Variants in ADGRF5 observed in about 807,000 individuals in gnomAD.
ADGRF5 encodes adhesion G protein-coupled receptor F5.
Under a neutral mutation model 132.3 loss-of-function variants are expected in ADGRF5, and 75 were observed. The observed-to-expected ratio is 0.57, with a 90% confidence interval of 0.47 to 0.69. The LOEUF (loss-of-function observed/expected upper bound fraction) is 0.69, where lower values mean the gene tolerates loss of function less well. Among genes scored for constraint, ADGRF5 ranks in the 30% least tolerant of loss-of-function variants. The pLI is 0.00. For missense variants in ADGRF5, 1,516 were observed against 1,630.6 expected, an observed-to-expected ratio of 0.93 and a Z score of 1.21; for synonymous variants, 629 against 597.6, an observed-to-expected ratio of 1.05 and a Z score of -0.77.
intron 14 of ADGRF5, 37 bp downstream of exon 14, chr6:46,865,005 G>T (rs540901436): frequency 4.1e-6 from 6 of 1,448,240 alleles, no homozygotes; most frequent in South Asian, 1.2e-5. Context: ...TCCCTGCCCT[G>T]ACTATAACAT....
chr6:46,886,048 T>G (rs190707925), intron 4 of ADGRF5, among the ~76,000 whole-genome samples: 1 of 152,352 alleles, frequency 6.6e-6, no homozygotes, highest in East Asian at 1.9e-4. Context: ...CTACATGAAC[T>G]CTGCTCTCAT....
At position 46,869,035 on chromosome 6, in the gene ADGRF5, A is replaced by G; in HGVS notation, c.1469T>C (p.Ile490Thr). 1.2e-6 allele frequency: 2 copies of G among 1,614,072 alleles called. No homozygotes were observed. Among genetic ancestry groups the G allele is most frequent in the Non-Finnish European group, 1.7e-6 (2 of 1,179,920 alleles). Residue 490 changes from isoleucine (I) to threonine (T), a missense_variant, in exon 12 of 21, where the codon ATA becomes ACA. By Grantham distance (89) the Ile-to-Thr change is moderately conservative. Coordinates refer to ENST00000283296, the MANE Select transcript of ADGRF5 (RefSeq NM_001098518.2). ...ISVSEGQNFS[I>T]KCISDVSNYD... is the part of the protein sequence containing the mutation. The stretch of plus-strand genomic sequence containing the variant: ...GTTACTCACATCACTGATGCATTTT[A>G]TAGAAAAGTTTTGTCCCTCAGAAAC...
chr6:46,924,020 C>T (rs1307459865), upstream of ADGRF5, among the ~76,000 whole-genome samples: 1 of 152,188 alleles, frequency 6.6e-6, no homozygotes, highest in Non-Finnish European at 1.5e-5. Context: ...TCTCTCATGG[C>T]TGTAAGGTAC....
rs1430675426 is a variant in ADGRF5 at position 46,871,837 on chromosome 6, C to A, written c.1411+6G>T. 1 of 1,585,406 alleles carries A rather than the reference C, an allele frequency of 6.3e-7. No individual in the cohort carries two copies. On this transcript the variant is annotated splice_donor_region_variant and intron_variant, in intron 11 of 20. Transcript: ENST00000283296. ...TATGGCTAAAAATGCTAGGGAGAGT[C>A]CTTACCCACAGAGATGAATGTCACT...
chr6:46,883,425 T>A (rs1419440641), intron 6 of ADGRF5, 134 bp downstream of exon 6: 1 of 632,760 alleles, frequency 1.6e-6, no homozygotes, highest in East Asian at 3.0e-5. Context: ...TAATTCACCA[T>A]CTCAGATGTA....
intron 3 of ADGRF5, among the ~76,000 whole-genome samples, chr6:46,894,310 G>T (rs115762869): frequency 2.5e-3 from 386 of 152,280 alleles, no homozygotes; most frequent in African/African-American, 8.5e-3. Context: ...TCTCTCTTCA[G>T]GTTTCAGAAA....
Position 46,882,063 on chromosome 6 carries a change from A to G in ADGRF5, c.657T>C (p.Thr219=). ...YGILPGFKGV[T]VTGFKSGSVV... Reference sequence around the variant, plus strand: ...AGTATTCTTACTTGAACCCTGTCACAGTCACGCCCTTGAAGCCTGGTAAAA... The same window carrying G: ...AGTATTCTTACTTGAACCCTGTCACGGTCACGCCCTTGAAGCCTGGTAAAA... The change falls in exon 7 of 21, where the codon ACT becomes ACC. Residue 219 remains threonine, a synonymous_variant. Transcript: ENST00000283296. The G allele has an allele frequency of 6.2e-7, 1 of 1,609,678 alleles. No individual in the cohort carries two copies.
chr6:46,891,578 C>T (rs1165350318), intron 3 of ADGRF5, among the ~76,000 whole-genome samples: 1 of 152,218 alleles, frequency 6.6e-6, no homozygotes, highest in Non-Finnish European at 1.5e-5. Flanking sequence ...CATATCATAT[C>T]CACTTCATTA....
rs1176090693 is a variant in ADGRF5, at chr6:46,858,914, T to C, written c.2989A>G (p.Met997Val). Residue 997 changes from methionine to valine, a missense_variant, in exon 17 of 21, where the codon ATG becomes GTG. This residue lies in a region of ADGRF5 where 571 missense variants were observed against 701.2 expected (regional missense o/e 0.81). Transcript: ENST00000283296. ...CDHLTSFSIL[M>V]SPDSPDPSSL... ...CTAGGATCTGGGGAGTCAGGGGACA[T>C]GAGGATGGAGAATGATGTTAGGTGG... The C allele has an allele frequency of 1.1e-5, 17 of 1,613,800 alleles. No homozygotes were observed. The highest frequency in any genetic ancestry group is 2.2e-5 in the East Asian group (1 of 44,878).
At chr6:46,923,641 G>A (rs1186593149), upstream of ADGRF5, among the ~76,000 whole-genome samples, 4 of 152,212 alleles carry the variant, frequency 2.6e-5, no homozygotes, top group Non-Finnish European at 5.9e-5. Context: ...GGGTGCAGCA[G>A]GCTGTCTAAC....
intron 4 of ADGRF5, among the ~76,000 whole-genome samples, chr6:46,885,658 C>T (rs185703062): frequency 2.4e-4 from 37 of 152,248 alleles, no homozygotes; most frequent in East Asian, 3.9e-4. Flanking sequence ...GTGACTTTCA[C>T]GGCTTTAGTG....
At chr6:46,869,873 T>C (rs927796395) in intron 11 of ADGRF5, among the ~76,000 whole-genome samples, 4 of 152,150 alleles carry the variant, frequency 2.6e-5, no homozygotes, top group Non-Finnish European at 5.9e-5. Context: ...ATGTAATTAG[T>C]TTCACTATAT....
chr6:46,881,378 C>T (rs1581828249), intron 8 of ADGRF5, 77 bp downstream of exon 8: 2 of 1,276,336 alleles, frequency 1.6e-6, no homozygotes, highest in South Asian at 1.3e-5. Flanking sequence ...TCCCAGAGGA[C>T]ATTGTAGCAT....
chr6:46,936,720 C>T (rs910528284), intron 1 of ADGRF5, among the ~76,000 whole-genome samples: 1 of 152,172 alleles, frequency 6.6e-6, no homozygotes, highest in Non-Finnish European at 1.5e-5. Flanking sequence ...CATCTTTGCC[C>T]TTTTCTGTGC....
At chr6:46,925,843 C>A (rs960454392), upstream of ADGRF5, among the ~76,000 whole-genome samples, 4 of 152,224 alleles carry the variant, frequency 2.6e-5, no homozygotes, top group African/African-American at 9.6e-5. Flanking sequence ...GCCAGCATAG[C>A]TAAAGTACAT....
intron 12 of ADGRF5, among the ~76,000 whole-genome samples, chr6:46,867,844 G>T (rs1407847223): frequency 1.3e-5 from 2 of 152,144 alleles, no homozygotes; most frequent in African/African-American, 4.8e-5. Context: ...CAGTGTAGTA[G>T]ATTTAGATGA....
At chr6:46,915,361 T>TGG (rs1415440219) in intron 1 of ADGRF5, among the ~76,000 whole-genome samples, 1 of 151,968 alleles carries the variant, frequency 6.6e-6, no homozygotes, top group African/African-American at 2.4e-5. Flanking sequence ...GAGCAGGGCC[T>TGG]GGGGGTCTCC....
At chr6:46,930,957 G>T (rs758944776) in intron 1 of ADGRF5, among the ~76,000 whole-genome samples, 3 of 152,166 alleles carry the variant, frequency 2.0e-5, no homozygotes. Context: ...GGGAGGCTGA[G>T]GTGGGAGGAT....
Position 46,943,050 on chromosome 6 carries a change from A to T in ADGRF5, c.-25+11684T>A, listed in dbSNP as rs184861761. Among the ~76,000 whole-genome samples, 3 of 152,332 alleles carry T rather than the reference A, an allele frequency of 2.0e-5. No homozygotes were observed. The East Asian group carries it at 5.8e-4, about 29-fold the overall frequency. On this transcript the variant is annotated intron_variant, in intron 1 of 20. Transcript: ENST00000265417. ...ATAAATAAAGTCTGCATGTCCCTGAAAATTGACACAGGAAATTGTTGACTA... is the reference window on the plus strand; with the variant it reads ...ATAAATAAAGTCTGCATGTCCCTGATAATTGACACAGGAAATTGTTGACTA...
Sources: allele counts gnomAD v4.1 joint callset (sites outside exome capture counted in the v4.1 genomes callset), GRCh38; gene constraint gnomAD v4.1.1; regional missense constraint gnomAD v4.1.1; transcripts MANE v1.5; gene names NCBI Gene and HGNC (gene_info 2026-07-23, HGNC 2026-07-21).